ITGA4: variants seen among roughly 807,000 people sequenced by gnomAD.
The protein encoded by ITGA4 is integrin subunit alpha 4, also known as integrin alpha-4.
In ITGA4, 63 loss-of-function variants were observed where a neutral mutation model predicts 133.6. The observed-to-expected ratio is 0.47, with a 90% CI of 0.38 to 0.58. The LOEUF (loss-of-function observed/expected upper bound fraction) is 0.58, where lower values mean the gene tolerates loss of function less well. Ranked by LOEUF, ITGA4 falls within the 20% of genes least tolerant of loss-of-function variation. The pLI is 0.00. For missense variants in ITGA4, 1,076 were observed against 1,252.7 expected (o/e 0.86, Z 2.13); for synonymous variants, 483 against 438.0 (o/e 1.10, Z -1.28).
rs996686549 is a variant in ITGA4, at chr2:181,536,711, CTA to C, written c.*1188_*1189del. ...AAAATATTTTTATAGTTTGTTCATA[CTA>C]TATGAGGTTCTATTTTAAATGACTT... On this transcript the variant is annotated 3_prime_UTR_variant, in exon 28 of 28. Transcript: ENST00000397033. The C allele has an allele frequency of 6.9e-5, 15 of 215,886 alleles. No homozygotes were observed. The highest frequency in any genetic ancestry group is 1.2e-4 in the African/African-American group (5 of 42,440). The allele number at this position is 215,886 out of a possible 1,614,324, so 13.4% of individuals were successfully genotyped here.
intron 22 of ITGA4, among the ~76,000 whole-genome samples, chr2:181,528,358 G>A (rs566543971): frequency 6.6e-6 from 1 of 152,284 alleles, no homozygotes; most frequent in Admixed American, 6.5e-5. Context: ...TTTGTGCTTT[G>A]ATAAACTAAA....
Position 181,494,767 on chromosome 2 carries a change from C to T in ITGA4, c.1294C>T (p.Gln432Ter), listed in dbSNP as rs1686125427. Reference protein sequence around the residue: ...QISKSLSMFGQSISGQIDADN... With the variant: ...QISKSLSMFG Reference sequence around the variant, plus strand: ...CAGCAAATCGTTAAGTATGTTTGGACAGTCTATATCAGGACAAATTGATGC... The same window carrying T: ...CAGCAAATCGTTAAGTATGTTTGGATAGTCTATATCAGGACAAATTGATGC... Residue 432 changes from glutamine to a stop codon, truncating the protein, a stop_gained, in exon 12 of 28, where the codon CAG (glutamine) becomes TAG (stop). Coordinates refer to ENST00000397033, the MANE Select transcript of ITGA4 (RefSeq NM_000885.6). LOFTEE classifies it high-confidence loss of function. 6.2e-7 allele frequency: 1 copy of T among 1,601,060 alleles called. No individual in the cohort carries two copies. Among genetic ancestry groups the T allele is most frequent in the Non-Finnish European group, 8.6e-7 (1 of 1,168,264 alleles).
At chr2:181,492,084 A>T (rs371596753) in intron 10 of ITGA4, among the ~76,000 whole-genome samples, 2 of 152,224 alleles carry the variant, frequency 1.3e-5, no homozygotes, top group Non-Finnish European at 2.9e-5. Flanking sequence ...CCACTAGACA[A>T]TGAGTTTCCT....
chr2:181,508,140 T>C (rs566422509), intron 15 of ITGA4, among the ~76,000 whole-genome samples: 49 of 152,030 alleles, frequency 3.2e-4, no homozygotes, highest in African/African-American at 6.3e-4. Context: ...AATGTAAGAA[T>C]TGTCAATCAG....
At chr2:181,459,958 C>T (rs1384089461) in intron 2 of ITGA4, among the ~76,000 whole-genome samples, 1 of 151,814 alleles carries the variant, frequency 6.6e-6, no homozygotes, top group Non-Finnish European at 1.5e-5. Context: ...AAGATAATGC[C>T]TGTCAATGGA....
In ITGA4 at chr2:181,487,912, G is replaced by GT. The variant is rs575555933; in HGVS notation, c.1153+1921dup. 4.0e-4 allele frequency among the ~76,000 whole-genome samples: 61 copies of GT among 152,332 alleles called. No individual in the cohort carries two copies. The South Asian group carries it at 0.012, about 31-fold the overall frequency. ...ATGTTTATGCATTTTGATTTGTCAT[G>GT]TGTGTTGTATGAGACAACCCAATTC... On this transcript the variant is annotated intron_variant, in intron 10 of 27. Coordinates refer to ENST00000397033, the MANE Select transcript of ITGA4 (RefSeq NM_000885.6).
At chr2:181,528,043 CT>C (rs1300143690) in intron 22 of ITGA4, among the ~76,000 whole-genome samples, 1 of 152,048 alleles carries the variant, frequency 6.6e-6, no homozygotes, top group Non-Finnish European at 1.5e-5. Context: ...AAAAAAAATT[CT>C]TTGAACCAAA....
At chr2:181,527,144 A>G (rs1479511241) in intron 21 of ITGA4, among the ~76,000 whole-genome samples, 153 bp from the exon 22 acceptor site, 1 of 151,924 alleles carries the variant, frequency 6.6e-6, no homozygotes, top group Admixed American at 6.6e-5. Flanking sequence ...CCCTAATTTA[A>G]TTTCTTTTTA....
rs182271800 is a variant in ITGA4, at chr2:181,488,739, T to C, written c.1153+2747T>C. On this transcript the variant is annotated intron_variant, in intron 10 of 27. Coordinates refer to ENST00000397033, the MANE Select transcript of ITGA4 (RefSeq NM_000885.6). ...ACCCCAGCTAATTTTTTTGTGTTTT[T>C]AGTAGAGACAGGGTTTCACTGTGTT... is the stretch of plus-strand genomic sequence containing the variant. Among the ~76,000 whole-genome samples, 612 of 152,106 alleles carry C rather than the reference T, an allele frequency of 4.0e-3. 1 individual carries two copies. The highest frequency in any genetic ancestry group is 0.014 in the African/African-American group (571 of 41,506).
chr2:181,497,681 C>A (rs928141017), intron 14 of ITGA4, among the ~76,000 whole-genome samples: 2 of 152,016 alleles, frequency 1.3e-5, no homozygotes, highest in Admixed American at 6.6e-5. Context: ...TCCTAAAATA[C>A]AAATGAACAT....
rs115789279 is a variant in ITGA4, at chr2:181,504,739, A to G, written c.1696-4919A>G. 4.4e-3 allele frequency among the ~76,000 whole-genome samples: 673 copies of G among 152,174 alleles called. 8 individuals carry two copies. The highest frequency in any genetic ancestry group is 0.015 in the African/African-American group (639 of 41,526). On this transcript the variant is annotated intron_variant, in intron 15 of 27. Transcript: ENST00000397033. The stretch of plus-strand genomic sequence containing the variant: ...CCATTACATAAGGCAGAAACAATAA[A>G]TATTTAACAAATTTATGGATGCTAT...
Position 181,531,664 on chromosome 2 carries a change from TA to T in ITGA4, c.2676del (p.Ala893LeufsTer6). 6.3e-7 allele frequency: 1 copy of T among 1,591,992 alleles called. No homozygotes were observed. The highest frequency in any genetic ancestry group is 8.6e-7 in the Non-Finnish European group (1 of 1,164,998). ...SKTDKRLLYC[I>X]KADPHCLNFL... is the part of the protein sequence containing the mutation. The stretch of plus-strand genomic sequence containing the variant: ...TTTTATATTCCCTTCAAGTACTGCA[TA>T]AAAGCTGATCCACATTGTTTAAATT... On this transcript the variant is annotated frameshift_variant, in exon 25 of 28. Transcript: ENST00000397033. LOFTEE classifies it high-confidence loss of function.
intron 25 of ITGA4, among the ~76,000 whole-genome samples, chr2:181,532,556 T>C (rs1686965577): frequency 6.6e-6 from 1 of 152,202 alleles, no homozygotes; most frequent in Admixed American, 6.5e-5. Flanking sequence ...TGCTTGTCTA[T>C]TATTGTATAC....
At position 181,516,205 on chromosome 2, in the gene ITGA4, C is replaced by A. The variant is rs1424953623; in HGVS notation, c.1922+4430C>A. Among the ~76,000 whole-genome samples, 2 of 152,070 alleles carry A rather than the reference C, an allele frequency of 1.3e-5. No individual in the cohort carries two copies. The highest frequency in any genetic ancestry group is 2.9e-5 in the Non-Finnish European group (2 of 67,994). On this transcript the variant is annotated intron_variant, in intron 17 of 27. Coordinates refer to ENST00000397033, the MANE Select transcript of ITGA4 (RefSeq NM_000885.6). This position sits in a 1 kb window ranked among gnomAD's most constrained non-coding sequence, Gnocchi z 4.0. ...ATGTAAATGATACCGCAATACATTT[C>A]TGCACCTCAGTTGTGCTTCCAGAAT...
intron 8 of ITGA4, 27 bp from the exon 9 acceptor site, chr2:181,482,487 G>C: frequency 6.2e-7 from 1 of 1,613,492 alleles, no homozygotes; most frequent in Non-Finnish European, 8.5e-7. Flanking sequence ...TTTTCTCAAT[G>C]AGTGGATCTG....
chr2:181,478,931 T>C, intron 5 of ITGA4, 107 bp downstream of exon 5: 1 of 509,392 alleles, frequency 2.0e-6, no homozygotes, highest in Non-Finnish European at 3.3e-6. Flanking sequence ...TGTAACATCT[T>C]CATCATGTCT....
chr2:181,530,737 C>G, intron 24 of ITGA4, 88 bp downstream of exon 24: 1 of 1,170,244 alleles, frequency 8.5e-7, no homozygotes, highest in East Asian at 2.4e-5. Context: ...TGAGCTGTCA[C>G]TTCAATAATA....
rs1687113139 is a variant in ITGA4 at position 181,536,659 on chromosome 2, G to A, written c.*1132G>A. ...ATTTGTATACAGTGAATATAAATGA[G>A]ACGACAGCAAAATTTTCATGAAATG... On this transcript the variant is annotated 3_prime_UTR_variant, in exon 28 of 28. Transcript: ENST00000397033. 5.5e-6 allele frequency: 1 copy of A among 182,096 alleles called. No homozygotes were observed. Among genetic ancestry groups the A allele is most frequent in the Non-Finnish European group, 1.2e-5 (1 of 85,380 alleles). The allele number at this position is 182,096 out of a possible 1,614,324, so 11.3% of individuals were successfully genotyped here. A position where few individuals can be genotyped will look rare whatever the true frequency, so the allele number is the denominator to read the frequency against.
At chr2:181,531,385 T>A (rs1204737962) in intron 24 of ITGA4, among the ~76,000 whole-genome samples, 5 of 152,164 alleles carry the variant, frequency 3.3e-5, no homozygotes, top group African/African-American at 1.2e-4. Flanking sequence ...GAACATTTTT[T>A]AAAAATTCTG....
Sources: allele counts gnomAD v4.1 joint callset (sites outside exome capture counted in the v4.1 genomes callset), GRCh38; gene constraint gnomAD v4.1.1; non-coding constraint Gnocchi (gnomAD v3.1); transcripts MANE v1.5; gene names NCBI Gene and HGNC (gene_info 2026-07-23, HGNC 2026-07-21).